MEGF11: variants seen among roughly 807,000 people sequenced by gnomAD.
MEGF11 encodes the protein multiple EGF like domains 11, also known as multiple epidermal growth factor-like domains protein 11.
Under a neutral mutation model 146.6 loss-of-function variants are expected in MEGF11, and 126 were observed. The ratio of observed to expected loss-of-function variants is 0.86; its 90% CI spans 0.74 to 1.00. MEGF11 has a LOEUF of 1.00. Among genes scored for constraint, MEGF11 ranks in the 50% least tolerant of loss-of-function variants. The pLI is 0.00. For synonymous variants in MEGF11, 532 were observed against 583.4 expected, an observed-to-expected ratio of 0.91 and a Z score of 1.27; for missense variants, 1,509 against 1,521.2, an observed-to-expected ratio of 0.99 and a Z score of 0.13.
intron 5 of MEGF11, among the ~76,000 whole-genome samples, chr15:66,003,160 A>C (rs928505767): frequency 2.6e-5 from 4 of 151,802 alleles, no homozygotes; most frequent in Non-Finnish European, 5.9e-5. Flanking sequence ...CGGCTGGCTA[A>C]TTTTTGTATT....
At chr15:66,054,803 A>G (rs1014259102) in intron 5 of MEGF11, among the ~76,000 whole-genome samples, 3 of 152,190 alleles carry the variant, frequency 2.0e-5, no homozygotes, top group African/African-American at 7.2e-5. Context: ...CTTGAGGAAA[A>G]GGCAGGGTTA....
intron 5 of MEGF11, among the ~76,000 whole-genome samples, chr15:66,037,802 T>C (rs1435354759): frequency 1.3e-5 from 2 of 152,208 alleles, no homozygotes; most frequent in African/African-American, 4.8e-5. Flanking sequence ...AGGAACAATG[T>C]CCTCGCCAGT....
At chr15:65,962,533 C>CCTAA (rs948767131) in intron 9 of MEGF11, among the ~76,000 whole-genome samples, 4 of 152,230 alleles carry the variant, frequency 2.6e-5, no homozygotes, top group Admixed American at 1.3e-4. Context: ...GTTGAGAAAC[C>CCTAA]CTAACTTCAA....
At chr15:66,251,608 G>A (rs1472468484) in intron 1 of MEGF11, among the ~76,000 whole-genome samples, 1 of 152,168 alleles carries the variant, frequency 6.6e-6, no homozygotes, top group Non-Finnish European at 1.5e-5. Flanking sequence ...CACACACCCA[G>A]CCCTCGAGCC....
intron 5 of MEGF11, among the ~76,000 whole-genome samples, chr15:66,035,775 A>C (rs1408794839): frequency 6.6e-6 from 1 of 152,226 alleles, no homozygotes; most frequent in African/African-American, 2.4e-5. Flanking sequence ...TTCTTCTTAG[A>C]GGTAACCAGC....
intron 5 of MEGF11, among the ~76,000 whole-genome samples, chr15:66,065,964 T>C (rs1249781509): frequency 1.3e-5 from 2 of 152,184 alleles, no homozygotes; most frequent in East Asian, 3.9e-4. Flanking sequence ...CAGTTTGTCC[T>C]TGTGTTCTTG....
At chr15:66,150,021 A>C (rs1191011473) in intron 1 of MEGF11, among the ~76,000 whole-genome samples, 1 of 152,176 alleles carries the variant, frequency 6.6e-6, no homozygotes. Flanking sequence ...CATCTGGCTA[A>C]TTAAAGCGAG....
intron 1 of MEGF11, among the ~76,000 whole-genome samples, chr15:66,171,828 C>A (rs1206834745): frequency 6.6e-6 from 1 of 151,946 alleles, no homozygotes; most frequent in Non-Finnish European, 1.5e-5. Flanking sequence ...GCTCTTTTCA[C>A]AAGGTCATCA....
intron 5 of MEGF11, among the ~76,000 whole-genome samples, chr15:66,078,005 G>A (rs925393663): frequency 5.9e-5 from 9 of 152,134 alleles, no homozygotes; most frequent in African/African-American, 1.4e-4. Context: ...CCCAATTGGC[G>A]TTTCAGTAGC....
intron 1 of MEGF11, among the ~76,000 whole-genome samples, chr15:66,246,112 C>G (rs1002924736): frequency 1.3e-5 from 2 of 152,022 alleles, no homozygotes; most frequent in South Asian, 4.1e-4. Context: ...CAAAAATGAG[C>G]CAGGCATGGT....
chr15:65,947,202 T>C lies in MEGF11; in HGVS notation c.1287+10345A>G, dbSNP rs368480961. Among the ~76,000 whole-genome samples the C allele has an allele frequency of 1.1e-3, 171 of 152,318 alleles. No homozygotes were observed. In the Middle Eastern group the frequency reaches 0.017, roughly 15 times the overall value. On this transcript the variant is annotated intron_variant, in intron 10 of 25. Transcript: ENST00000395614. ...CAGGAATCCCTTCCCCTCCTGGGGT[T>C]GATAATTACTCTTGCAGATGGAATT...
chr15:66,143,972 C>T (rs1463015456), intron 1 of MEGF11, among the ~76,000 whole-genome samples: 1 of 152,136 alleles, frequency 6.6e-6, no homozygotes, highest in Non-Finnish European at 1.5e-5. Context: ...CCTCCGGGTC[C>T]TCCTCTGTCC....
intron 1 of MEGF11, among the ~76,000 whole-genome samples, chr15:66,132,328 G>A (rs1240304873): frequency 6.6e-6 from 1 of 152,232 alleles, no homozygotes; most frequent in Non-Finnish European, 1.5e-5. Flanking sequence ...CCTCTGCCCT[G>A]GGATCAGCTG....
chr15:66,145,559 A>G (rs1038056483), intron 1 of MEGF11, among the ~76,000 whole-genome samples: 2 of 152,192 alleles, frequency 1.3e-5, no homozygotes, highest in Admixed American at 6.5e-5. Flanking sequence ...TGCCATCCCC[A>G]GCCTCACACC....
intron 1 of MEGF11, among the ~76,000 whole-genome samples, chr15:66,193,076 G>C (rs1313963612): frequency 6.6e-6 from 1 of 152,176 alleles, no homozygotes; most frequent in Non-Finnish European, 1.5e-5. Context: ...TCTGTTTTCA[G>C]ATTAGTACCA....
At chr15:66,042,143 C>T (rs1390734636) in intron 5 of MEGF11, among the ~76,000 whole-genome samples, 1 of 147,972 alleles carries the variant, frequency 6.8e-6, no homozygotes, top group Non-Finnish European at 1.5e-5. Flanking sequence ...CAGAGCCTCA[C>T]TCCATCACCC....
chr15:66,156,082 T>C (rs377034448), intron 1 of MEGF11, among the ~76,000 whole-genome samples: 1 of 152,156 alleles, frequency 6.6e-6, no homozygotes, highest in Non-Finnish European at 1.5e-5. Flanking sequence ...ACACCTGCAC[T>C]TGGGGACACA....
intron 2 of MEGF11, among the ~76,000 whole-genome samples, chr15:66,126,466 G>GTTCAGCTCAT (rs1188922956): frequency 6.6e-6 from 1 of 152,062 alleles, no homozygotes; most frequent in African/African-American, 2.4e-5. Context: ...GTTCAGCTCA[G>GTTCAGCTCAT]TTCAGAATAT....
At chr15:66,185,364 G>A (rs1285898549) in intron 1 of MEGF11, among the ~76,000 whole-genome samples, 2 of 152,110 alleles carry the variant, frequency 1.3e-5, no homozygotes, top group Non-Finnish European at 2.9e-5. Context: ...AAGCCACTTT[G>A]CATAAAGTAA....
Sources: gnomAD v4.1 joint callset for allele counts (sites outside exome capture counted in the v4.1 genomes callset) on GRCh38, gnomAD v4.1.1 for gene constraint, MANE v1.5 for transcripts, NCBI Gene and HGNC (gene_info 2026-07-23, HGNC 2026-07-21) for gene names.